Variants in VWA8 observed in about 807,000 individuals in gnomAD.
The protein encoded by VWA8 is von Willebrand factor A domain-containing protein 8.
In VWA8, 221 loss-of-function variants were observed where a neutral mutation model predicts 241.5. The observed-to-expected ratio is 0.91, with a 90% confidence interval of 0.82 to 1.02. The LOEUF (loss-of-function observed/expected upper bound fraction) is 1.02. Among genes scored for constraint, VWA8 ranks in the 50% least tolerant of loss-of-function variants. The pLI is 0.00. For missense variants in VWA8, 2,322 were observed against 2,328.7 expected, an observed-to-expected ratio of 1.00 and a Z score of 0.06; for synonymous variants, 852 against 827.1, an observed-to-expected ratio of 1.03 and a Z score of -0.52.
At chr13:41,869,694 T>A (rs1873497455) in intron 9 of VWA8, among the ~76,000 whole-genome samples, 1 of 146,320 alleles carries the variant, frequency 6.8e-6, no homozygotes, top group Admixed American at 6.8e-5. Context: ...GTGGCCCAAT[T>A]ATCAACGTTC....
intron 21 of VWA8, among the ~76,000 whole-genome samples, chr13:41,733,128 G>C (rs1410671423): frequency 6.6e-6 from 1 of 152,062 alleles, no homozygotes; most frequent in Non-Finnish European, 1.5e-5. Flanking sequence ...GTGATATTCA[G>C]ACCTGGACGT....
At chr13:41,778,888 C>G (rs1868753362) in intron 19 of VWA8, among the ~76,000 whole-genome samples, 1 of 120,804 alleles carries the variant, frequency 8.3e-6, no homozygotes, top group South Asian at 2.6e-4. Flanking sequence ...ATCGCCCAGG[C>G]TGGAGTGCAG....
chr13:41,763,092 G>A (rs912200326), intron 20 of VWA8, among the ~76,000 whole-genome samples: 1 of 151,812 alleles, frequency 6.6e-6, no homozygotes, highest in Non-Finnish European at 1.5e-5. Flanking sequence ...ACACAGTGAG[G>A]CCTCATCTCT....
chr13:41,767,653 A>C (rs2045788459), intron 20 of VWA8, among the ~76,000 whole-genome samples: 1 of 152,244 alleles, frequency 6.6e-6, no homozygotes, highest in Non-Finnish European at 1.5e-5. Flanking sequence ...CAGAAGTCAG[A>C]TTAGAAAACA....
At position 41,943,470 on chromosome 13, in the gene VWA8, T is replaced by C. The variant is rs149511515; in HGVS notation, c.241+6466A>G. Among the ~76,000 whole-genome samples the C allele has an allele frequency of 5.4e-3, 815 of 152,318 alleles. 6 individuals are homozygous for C. The highest frequency in any genetic ancestry group is 0.048 in the Middle Eastern group (14 of 294). On this transcript the variant is annotated intron_variant, in intron 2 of 44. Coordinates refer to ENST00000379310, the MANE Select transcript of VWA8 (RefSeq NM_015058.2). ...ACACAGAATGTCTTTACAGTCTTGG[T>C]GTAGGCCAAGATTTCTGACACAATG...
chr13:41,621,120 C>T (rs531514424), intron 37 of VWA8, among the ~76,000 whole-genome samples: 1 of 152,270 alleles, frequency 6.6e-6, no homozygotes, highest in Admixed American at 6.5e-5. Flanking sequence ...TACACACATT[C>T]AATAGAAATC....
intron 1 of VWA8, chr13:41,955,714 G>A (rs1311662934): frequency 6.6e-6 from 1 of 152,142 alleles, no homozygotes; most frequent in Non-Finnish European, 1.5e-5. Context: ...GGATGCCTCC[G>A]TACTTGGAGT....
chr13:41,898,616 GC>G (rs1875259000), intron 4 of VWA8, among the ~76,000 whole-genome samples: 2 of 152,244 alleles, frequency 1.3e-5, no homozygotes, highest in Non-Finnish European at 2.9e-5. Flanking sequence ...GGGACTGGGC[GC>G]CGTGGAGCAG....
At chr13:41,706,688 T>C (rs2045284891) in intron 26 of VWA8, among the ~76,000 whole-genome samples, 1 of 152,248 alleles carries the variant, frequency 6.6e-6, no homozygotes, top group Non-Finnish European at 1.5e-5. Flanking sequence ...TCAACATTAA[T>C]TTAGGGGAAA....
intron 37 of VWA8, among the ~76,000 whole-genome samples, chr13:41,635,027 A>T (rs1409392204): frequency 6.6e-6 from 1 of 152,168 alleles, no homozygotes; most frequent in Non-Finnish European, 1.5e-5. Context: ...AAAATGACTT[A>T]TCTTCTCTTA....
chr13:41,597,730 C>G (rs553040523), intron 40 of VWA8, among the ~76,000 whole-genome samples: 8 of 152,148 alleles, frequency 5.3e-5, no homozygotes, highest in African/African-American at 1.7e-4. Context: ...TCTTATACTT[C>G]ACAAGTTTAA....
At chr13:41,759,028 A>C (rs1284996407) in intron 21 of VWA8, among the ~76,000 whole-genome samples, 2 of 151,502 alleles carry the variant, frequency 1.3e-5, no homozygotes, top group African/African-American at 4.8e-5. Context: ...ATGACATATT[A>C]TTCTTTTTAT....
intron 4 of VWA8, among the ~76,000 whole-genome samples, chr13:41,902,001 T>A (rs1407336537): frequency 4.0e-5 from 6 of 148,876 alleles, no homozygotes; most frequent in Non-Finnish European, 8.9e-5. Flanking sequence ...GAGCAAACAC[T>A]TGAGTTCTAA....
chr13:41,787,673 CTG>C, intron 17 of VWA8, 130 bp from the exon 18 acceptor site: 1 of 627,144 alleles, frequency 1.6e-6, no homozygotes, highest in Non-Finnish European at 2.8e-6. Context: ...GAAGATCAGT[CTG>C]GATCTGTAAA....
At chr13:41,683,974 C>G (rs548174015) in intron 35 of VWA8, among the ~76,000 whole-genome samples, 1 of 152,102 alleles carries the variant, frequency 6.6e-6, no homozygotes, top group Admixed American at 6.6e-5. Context: ...ATGGAGTACC[C>G]CTTTCCTGGA....
intron 37 of VWA8, among the ~76,000 whole-genome samples, chr13:41,638,190 C>G (rs2044771466): frequency 6.6e-6 from 1 of 152,128 alleles, no homozygotes; most frequent in Non-Finnish European, 1.5e-5. Context: ...CAGCTTGAAA[C>G]CTGTTTATAT....
intron 29 of VWA8, among the ~76,000 whole-genome samples, chr13:41,694,151 T>C (rs949785132): frequency 1.3e-5 from 2 of 151,996 alleles, no homozygotes; most frequent in Admixed American, 1.3e-4. Context: ...ATCATGACCC[T>C]TGCCTTCTGT....
At position 41,610,752 on chromosome 13, in the gene VWA8, A is replaced by G. The variant is rs2044582065; in HGVS notation, c.4877+824T>C. Among the ~76,000 whole-genome samples the G allele has an allele frequency of 2.0e-5, 3 of 152,210 alleles. No homozygotes were observed. In the South Asian group the frequency reaches 6.2e-4, roughly 32 times the overall value. On this transcript the variant is annotated intron_variant, in intron 39 of 44. Coordinates refer to ENST00000379310, the MANE Select transcript of VWA8 (RefSeq NM_015058.2). ...ACTACTACCAGGTCCTGGAATCTAA[A>G]AGGAAATACTGGTGGTTCTTTGGTA...
intron 4 of VWA8, among the ~76,000 whole-genome samples, chr13:41,894,931 C>A (rs191117617): frequency 1.3e-3 from 191 of 151,766 alleles, no homozygotes; most frequent in Admixed American, 1.9e-3. Context: ...AATAATTGGC[C>A]ATGAGGAGGA....
Sources: allele counts gnomAD v4.1 joint callset (sites outside exome capture counted in the v4.1 genomes callset), GRCh38; gene constraint gnomAD v4.1.1; transcripts MANE v1.5; gene names NCBI Gene and HGNC (gene_info 2026-07-23, HGNC 2026-07-21).